GPC5: variants seen among roughly 807,000 people sequenced by gnomAD.
GPC5 encodes the protein glypican 5, also known as glypican-5.
GPC5 carries 47 observed loss-of-function variants against 53.9 expected under a neutral mutation model. That is an observed-to-expected ratio of 0.87 (90% CI 0.69 to 1.11). The LOEUF (loss-of-function observed/expected upper bound fraction) is 1.11, where lower values mean the gene tolerates loss of function less well. Ranked by LOEUF, GPC5 falls within the 50% of genes most tolerant of loss-of-function variation. GPC5 has a pLI of 0.00. For missense variants in GPC5, 748 were observed against 713.1 expected, an observed-to-expected ratio of 1.05 and a Z score of -0.56; for synonymous variants, 286 against 263.3, an observed-to-expected ratio of 1.09 and a Z score of -0.84.
At chr13:91,922,369 C>T (rs2039724022) in intron 6 of GPC5, among the ~76,000 whole-genome samples, 1 of 152,106 alleles carries the variant, frequency 6.6e-6, no homozygotes, top group Admixed American at 6.6e-5. Flanking sequence ...ACCTGGTCTT[C>T]CATCTTTACA....
At chr13:91,917,397 C>G (rs952415206) in intron 6 of GPC5, among the ~76,000 whole-genome samples, 43 of 152,218 alleles carry the variant, frequency 2.8e-4, no homozygotes, top group African/African-American at 1.0e-3. Context: ...CCCCCCACCC[C>G]CTTCCCAGCT....
At chr13:92,015,686 A>G (rs2040700584) in intron 6 of GPC5, among the ~76,000 whole-genome samples, 1 of 152,174 alleles carries the variant, frequency 6.6e-6, no homozygotes, top group Non-Finnish European at 1.5e-5. Context: ...TGTAGGTGGA[A>G]TAACTTTTTC....
At chr13:91,418,073 C>T (rs1878359640) in intron 1 of GPC5, among the ~76,000 whole-genome samples, 2 of 151,978 alleles carry the variant, frequency 1.3e-5, no homozygotes, top group African/African-American at 4.8e-5. Context: ...TGAATTGTCC[C>T]TTTGTGCAAT....
intron 1 of GPC5, among the ~76,000 whole-genome samples, chr13:91,426,840 A>G (rs1228931972): frequency 1.3e-5 from 2 of 152,172 alleles, no homozygotes; most frequent in East Asian, 1.9e-4. Flanking sequence ...GGCAGTACCC[A>G]CACAGACACC....
chr13:91,413,741 T>G (rs1877982191), intron 1 of GPC5, among the ~76,000 whole-genome samples: 1 of 152,234 alleles, frequency 6.6e-6, no homozygotes, highest in Non-Finnish European at 1.5e-5. Flanking sequence ...TTGGCTCTGA[T>G]GTAGCTTCTC....
At chr13:91,503,795 T>C (rs1214388169) in intron 2 of GPC5, among the ~76,000 whole-genome samples, 1 of 144,296 alleles carries the variant, frequency 6.9e-6, no homozygotes, top group Admixed American at 6.9e-5. Flanking sequence ...ATAATAATAA[T>C]AATAATAATA....
At chr13:92,848,989 A>G (rs1426405322) in intron 7 of GPC5, among the ~76,000 whole-genome samples, 1 of 152,080 alleles carries the variant, frequency 6.6e-6, no homozygotes, top group East Asian at 2.0e-4. Flanking sequence ...CAAAATCCAT[A>G]TAATTCCCCT....
intron 7 of GPC5, among the ~76,000 whole-genome samples, chr13:92,216,829 A>C (rs1188859997): frequency 6.6e-6 from 1 of 152,026 alleles, no homozygotes; most frequent in Non-Finnish European, 1.5e-5. Context: ...AAATACAAAG[A>C]TTAGCTGGGC....
At chr13:91,858,412 A>G (rs1419741449) in intron 5 of GPC5, among the ~76,000 whole-genome samples, 1 of 151,992 alleles carries the variant, frequency 6.6e-6, no homozygotes, top group Non-Finnish European at 1.5e-5. Flanking sequence ...TTTAGCACCA[A>G]TTGAAATGAT....
At chr13:92,217,601 C>T (rs539334594) in intron 7 of GPC5, among the ~76,000 whole-genome samples, 5 of 152,306 alleles carry the variant, frequency 3.3e-5, no homozygotes, top group East Asian at 3.9e-4. Flanking sequence ...AGTGGAGCCC[C>T]GTGTCTCCGC....
chr13:91,711,282 A>AT (rs913196519), intron 3 of GPC5, among the ~76,000 whole-genome samples: 19 of 152,228 alleles, frequency 1.2e-4, no homozygotes, highest in Non-Finnish European at 2.5e-4. Context: ...GCTAAAAAAA[A>AT]GGATGAGTTC....
chr13:91,435,723 C>T (rs1879885624), intron 1 of GPC5, among the ~76,000 whole-genome samples: 1 of 152,148 alleles, frequency 6.6e-6, no homozygotes, highest in Admixed American at 6.6e-5. Flanking sequence ...GGGAGGATTC[C>T]CTCTTTTTCT....
intron 7 of GPC5, among the ~76,000 whole-genome samples, chr13:92,294,826 C>CTTTTTTTTTTTTTTTTT (rs147963724): frequency 7.6e-4 from 75 of 98,946 alleles, no homozygotes; most frequent in Middle Eastern, 6.2e-3. Flanking sequence ...TTTTTTTTTT[C>CTTTTTTTTTTTTTTTTT]TTTTTTTTTT....
chr13:92,805,708 G>C (rs1316365745), intron 7 of GPC5, among the ~76,000 whole-genome samples: 1 of 151,950 alleles, frequency 6.6e-6, no homozygotes, highest in African/African-American at 2.4e-5. Flanking sequence ...AAAGTGCTGG[G>C]AATACAGGCA....
intron 7 of GPC5, among the ~76,000 whole-genome samples, chr13:92,284,868 C>T (rs543568865): frequency 4.6e-5 from 7 of 152,170 alleles, no homozygotes; most frequent in African/African-American, 1.2e-4. Flanking sequence ...GCCTATTCAA[C>T]GTAGTGTTGG....
At chr13:92,455,351 A>G (rs1196857169) in intron 7 of GPC5, among the ~76,000 whole-genome samples, 1 of 152,234 alleles carries the variant, frequency 6.6e-6, no homozygotes, top group Non-Finnish European at 1.5e-5. Flanking sequence ...AATTTCCCCT[A>G]AAGAAATACA....
At chr13:92,658,172 A>G (rs1886203750) in intron 7 of GPC5, among the ~76,000 whole-genome samples, 1 of 152,132 alleles carries the variant, frequency 6.6e-6, no homozygotes, top group African/African-American at 2.4e-5. Context: ...AAAATATCCC[A>G]ATATTCATAA....
intron 7 of GPC5, among the ~76,000 whole-genome samples, chr13:92,810,877 C>T (rs1220661856): frequency 6.6e-6 from 1 of 151,842 alleles, no homozygotes; most frequent in African/African-American, 2.4e-5. Flanking sequence ...TCTGCCACCA[C>T]AACCAGCTAA....
intron 7 of GPC5, among the ~76,000 whole-genome samples, chr13:92,514,313 A>G (rs945844624): frequency 2.0e-5 from 3 of 152,014 alleles, no homozygotes; most frequent in African/African-American, 7.2e-5. Flanking sequence ...GACATATACT[A>G]TGGTGATCCC....
Sources: gnomAD v4.1 joint callset for allele counts (sites outside exome capture counted in the v4.1 genomes callset) on GRCh38, gnomAD v4.1.1 for gene constraint, MANE v1.5 for transcripts, NCBI Gene and HGNC (gene_info 2026-07-23, HGNC 2026-07-21) for gene names.